TNKS: variants seen among roughly 807,000 people sequenced by gnomAD.
TNKS encodes tankyrase.
Under a neutral mutation model 135.8 loss-of-function variants are expected in TNKS, and 72 were observed. The observed-to-expected ratio is 0.53, with a 90% CI of 0.44 to 0.64. The LOEUF (loss-of-function observed/expected upper bound fraction) is 0.64. TNKS is among the 30% of genes least tolerant of loss of function. The pLI is 0.00. For missense variants in TNKS, 1,769 were observed against 1,674.0 expected, an observed-to-expected ratio of 1.06 and a Z score of -0.99; for synonymous variants, 849 against 649.3, an observed-to-expected ratio of 1.31 and a Z score of -4.68.
intron 2 of TNKS, among the ~76,000 whole-genome samples, chr8:9,607,935 T>A (rs568016823): frequency 7.9e-5 from 12 of 152,266 alleles, no homozygotes; most frequent in African/African-American, 2.4e-4. Context: ...TGACACCGCC[T>A]TGATTTGTGT....
At chr8:9,653,822 A>T (rs1801238751) in intron 3 of TNKS, among the ~76,000 whole-genome samples, 1 of 150,748 alleles carries the variant, frequency 6.6e-6, no homozygotes, top group Non-Finnish European at 1.5e-5. Context: ...GGCTCCCCTC[A>T]CTCTTGTTCC....
rs1025480978 is a variant in TNKS, at chr8:9,615,920, G to A, written c.994+243G>A. Among the ~76,000 whole-genome samples, 6 of 152,040 alleles carry A rather than the reference G, an allele frequency of 3.9e-5. No individual in the cohort carries two copies. The East Asian group carries it at 9.6e-4, about 24-fold the overall frequency. ...CATTAAATCATAACATCTTTCACTC[G>A]TATTTTAGTCATTTTTATGGTTTAT... On this transcript the variant is annotated intron_variant, in intron 3 of 26. Coordinates refer to ENST00000310430, the MANE Select transcript of TNKS (RefSeq NM_003747.3).
chr8:9,610,167 A>G (rs930884186), intron 2 of TNKS, among the ~76,000 whole-genome samples: 1 of 137,556 alleles, frequency 7.3e-6, no homozygotes, highest in African/African-American at 2.8e-5. Flanking sequence ...TTGAATTTTC[A>G]TAGTTACTGT....
intron 2 of TNKS, among the ~76,000 whole-genome samples, chr8:9,596,948 G>T (rs1334956910): frequency 6.6e-6 from 1 of 152,260 alleles, no homozygotes; most frequent in Non-Finnish European, 1.5e-5. Context: ...ACTGTGATGG[G>T]CTTATTAGGA....
intron 26 of TNKS, chr8:9,772,219 A>G: frequency 1.4e-5 from 5 of 355,766 alleles, no homozygotes; most frequent in Non-Finnish European, 2.7e-5. Context: ...GGAGAAGAAT[A>G]TTTGCGTGGT....
At chr8:9,568,018 C>G (rs982512162) in intron 1 of TNKS, among the ~76,000 whole-genome samples, 2 of 152,062 alleles carry the variant, frequency 1.3e-5, no homozygotes, top group Non-Finnish European at 2.9e-5. Flanking sequence ...ATTACTAACA[C>G]GAAATATGGA....
chr8:9,685,521 CT>C (rs1360422940), intron 5 of TNKS, among the ~76,000 whole-genome samples: 1 of 152,144 alleles, frequency 6.6e-6, no homozygotes, highest in Non-Finnish European at 1.5e-5. Context: ...CACTTACATA[CT>C]TTTAAGTACT....
chr8:9,707,383 A>G (rs1377329231), intron 8 of TNKS, among the ~76,000 whole-genome samples: 1 of 152,158 alleles, frequency 6.6e-6, no homozygotes, highest in Non-Finnish European at 1.5e-5. Context: ...TGACAGTGAT[A>G]GGTATCTAGC....
At chr8:9,685,679 T>G (rs1260229689) in intron 5 of TNKS, among the ~76,000 whole-genome samples, 1 of 152,224 alleles carries the variant, frequency 6.6e-6, no homozygotes, top group Non-Finnish European at 1.5e-5. Context: ...TTCCCCTCTC[T>G]TCACCCAGTG....
intron 17 of TNKS, among the ~76,000 whole-genome samples, chr8:9,739,915 G>C (rs1250350493): frequency 1.2e-5 from 1 of 80,982 alleles, no homozygotes; most frequent in Non-Finnish European, 2.4e-5. Context: ...TGAGGTCGGG[G>C]GAGGGGGGAG....
At chr8:9,674,857 C>CA (rs1280800373) in intron 3 of TNKS, among the ~76,000 whole-genome samples, 1 of 152,082 alleles carries the variant, frequency 6.6e-6, no homozygotes, top group African/African-American at 2.4e-5. Flanking sequence ...AATGGATGTT[C>CA]AGTGTTTAGA....
chr8:9,767,497 A>T (rs1024192166), intron 25 of TNKS, among the ~76,000 whole-genome samples: 1 of 152,232 alleles, frequency 6.6e-6, no homozygotes, highest in African/African-American at 2.4e-5. Flanking sequence ...CAGAACAAGG[A>T]TCTCTGAGGG....
At chr8:9,770,393 T>TA in intron 26 of TNKS, 131 bp downstream of exon 26, 1 of 998,964 alleles carries the variant, frequency 1.0e-6, no homozygotes, top group South Asian at 2.0e-5. Flanking sequence ...TTACTTCAGA[T>TA]ACAAAATAAA....
Position 9,695,993 on chromosome 8 carries a change from T to C in TNKS, c.1108-8670T>C, listed in dbSNP as rs558775653. Among the ~76,000 whole-genome samples, 47 of 152,324 alleles carry C rather than the reference T, an allele frequency of 3.1e-4. No individual in the cohort carries two copies. The South Asian group carries it at 9.3e-3, about 30-fold the overall frequency. ...CATGAGAAGTCTTACATATATCATGTAGTGATGTCACATAGGCAGTTGGAT... is the reference window on the plus strand; with the variant it reads ...CATGAGAAGTCTTACATATATCATGCAGTGATGTCACATAGGCAGTTGGAT... On this transcript the variant is annotated intron_variant, in intron 5 of 26. Coordinates refer to ENST00000310430, the MANE Select transcript of TNKS (RefSeq NM_003747.3).
chr8:9,679,633 A>G, intron 3 of TNKS: 3 of 265,128 alleles, frequency 1.1e-5, no homozygotes, highest in Non-Finnish European at 1.5e-5. Context: ...AAAAGGGGGG[A>G]GGGGACATTG....
chr8:9,742,650 G>A lies in TNKS; in HGVS notation c.2644-5374G>A, dbSNP rs546534280. ...AGACAGCAACATGGTTTAAGGCCAG[G>A]AGTTTGAGACCAGCCTGGGCGACAT... On this transcript the variant is annotated intron_variant, in intron 17 of 26. Coordinates refer to ENST00000310430, the MANE Select transcript of TNKS (RefSeq NM_003747.3). Among the ~76,000 whole-genome samples the A allele has an allele frequency of 2.7e-5, 4 of 150,668 alleles. No individual in the cohort carries two copies. In the East Asian group the frequency reaches 7.8e-4, roughly 29 times the overall value.
At position 9,731,912 on chromosome 8, in the gene TNKS, C is replaced by T. The variant is rs199683064; in HGVS notation, c.2147+877C>T. Among the ~76,000 whole-genome samples the T allele has an allele frequency of 2.2e-4, 34 of 152,220 alleles. 1 individual carries two copies. The East Asian group carries it at 6.2e-3, about 28-fold the overall frequency. ...ACGCCATTCTCCTGCCTCAGCCTCC[C>T]GAATAGCTGGGACTACAGGCGCCCG... On this transcript the variant is annotated intron_variant, in intron 14 of 26. Transcript: ENST00000310430.
intron 26 of TNKS, among the ~76,000 whole-genome samples, chr8:9,774,210 T>C (rs866759093): frequency 2.0e-5 from 3 of 152,346 alleles, no homozygotes; most frequent in East Asian, 1.9e-4. Flanking sequence ...TCTCTGCTCA[T>C]TGGTTTCTCC....
intron 17 of TNKS, chr8:9,743,640 C>A (rs1326774603): frequency 6.6e-6 from 1 of 152,362 alleles, no homozygotes; most frequent in African/African-American, 2.4e-5. Context: ...ATAATCCCAG[C>A]ACTTTGGGAG....
Sources: gnomAD v4.1 joint callset for allele counts (sites outside exome capture counted in the v4.1 genomes callset) on GRCh38, gnomAD v4.1.1 for gene constraint, MANE v1.5 for transcripts, NCBI Gene and HGNC (gene_info 2026-07-23, HGNC 2026-07-21) for gene names.